CWF19L2: variants seen among roughly 807,000 people sequenced by gnomAD.
CWF19L2 encodes the protein CWF19 like cell cycle control factor 2.
In CWF19L2, 98 loss-of-function variants were observed where a neutral mutation model predicts 111.7. That is an observed-to-expected ratio of 0.88 (90% CI 0.75 to 1.04). The LOEUF (loss-of-function observed/expected upper bound fraction) is 1.04, where lower values mean the gene tolerates loss of function less well. Ranked by LOEUF, CWF19L2 falls within the 50% of genes least tolerant of loss-of-function variation. CWF19L2 has a pLI of 0.00. For missense variants in CWF19L2, 1,101 were observed against 1,051.4 expected (o/e 1.05, Z -0.65); for synonymous variants, 351 against 342.9 (o/e 1.02, Z -0.26).
At chr11:107,447,050 C>G (rs543618356) in intron 3 of CWF19L2, among the ~76,000 whole-genome samples, 1 of 152,278 alleles carries the variant, frequency 6.6e-6, no homozygotes, top group Non-Finnish European at 1.5e-5. Flanking sequence ...CAGAAAAGTG[C>G]TACCAGCAAA....
intron 14 of CWF19L2, among the ~76,000 whole-genome samples, chr11:107,343,379 G>A (rs572401694): frequency 1.6e-3 from 243 of 151,362 alleles, no homozygotes; most frequent in African/African-American, 5.5e-3. Flanking sequence ...TCTCTTCTTC[G>A]GTAATTTCCT....
chr11:107,348,545 A>G (rs1167636703), intron 14 of CWF19L2, among the ~76,000 whole-genome samples: 2 of 152,186 alleles, frequency 1.3e-5, no homozygotes, highest in Non-Finnish European at 2.9e-5. Context: ...GGCAACCGCT[A>G]AATATAAAAC....
intron 16 of CWF19L2, among the ~76,000 whole-genome samples, chr11:107,330,416 A>G (rs748889718): frequency 6.6e-6 from 1 of 152,146 alleles, no homozygotes; most frequent in Non-Finnish European, 1.5e-5. Context: ...GACCTTGCAC[A>G]TACTTAGAGC....
chr11:107,422,490 G>T lies in CWF19L2; in HGVS notation c.1434-4203C>A, dbSNP rs149466026. 4.4e-3 allele frequency among the ~76,000 whole-genome samples: 668 copies of T among 151,874 alleles called. 4 individuals carry two copies. The highest frequency in any genetic ancestry group is 0.015 in the African/African-American group (624 of 41,446). On this transcript the variant is annotated intron_variant, in intron 8 of 17. Coordinates refer to ENST00000282251, the MANE Select transcript of CWF19L2 (RefSeq NM_152434.3). ...AAAAGGGCACAAAGGCTTTCAGGGG[G>T]GTGATGGTTTAATGAGAACATATGC...
rs117867081 is a variant in CWF19L2, at chr11:107,349,887, G to A, written c.2086-834C>T. 5.7e-3 allele frequency among the ~76,000 whole-genome samples: 865 copies of A among 152,198 alleles called. 3 individuals are homozygous for A. The highest frequency in any genetic ancestry group is 0.024 in the Middle Eastern group (7 of 294). On this transcript the variant is annotated intron_variant, in intron 13 of 17. Coordinates refer to ENST00000282251, the MANE Select transcript of CWF19L2 (RefSeq NM_152434.3). ...AAAAGAAATAAAGATTAAGGGTCATGGGTATGTCTATAGACAACTTACAAG... is the reference window on the plus strand; with the variant it reads ...AAAAGAAATAAAGATTAAGGGTCATAGGTATGTCTATAGACAACTTACAAG...
At position 107,418,292 on chromosome 11, in the gene CWF19L2, T is replaced by C; in HGVS notation, c.1434-5A>G. ...ATGGACTCACGCTCTGGACTGCTAT[T>C]GGAATAGGAAAGATTAACAGCATAT... On this transcript the variant is annotated splice_region_variant and splice_polypyrimidine_tract_variant and intron_variant, in intron 8 of 17. Coordinates refer to ENST00000282251, the MANE Select transcript of CWF19L2 (RefSeq NM_152434.3). 1 of 1,593,040 alleles carries C rather than the reference T, an allele frequency of 6.3e-7. No individual in the cohort carries two copies. Among genetic ancestry groups the C allele is most frequent in the Non-Finnish European group, 8.6e-7 (1 of 1,160,856 alleles).
intron 12 of CWF19L2, among the ~76,000 whole-genome samples, chr11:107,384,265 G>T (rs1360889256): frequency 1.3e-5 from 2 of 152,186 alleles, no homozygotes; most frequent in African/African-American, 2.4e-5. Flanking sequence ...AACCAGAAGT[G>T]TTTCAGATTT....
chr11:107,404,514 C>A, intron 10 of CWF19L2: 1 of 723,504 alleles, frequency 1.4e-6, no homozygotes, highest in Non-Finnish European at 2.6e-6. Context: ...CTGTATCCCA[C>A]AAACCTTGGA....
chr11:107,436,523 T>C (rs1195748077), intron 6 of CWF19L2, among the ~76,000 whole-genome samples: 1 of 152,190 alleles, frequency 6.6e-6, no homozygotes, highest in Non-Finnish European at 1.5e-5. Context: ...TAAATATATG[T>C]AAAATCTTAT....
chr11:107,358,608 C>T (rs2134552363), intron 12 of CWF19L2, among the ~76,000 whole-genome samples: 1 of 152,310 alleles, frequency 6.6e-6, no homozygotes, highest in Admixed American at 6.5e-5. Context: ...TAAAAAAACA[C>T]TATTCTATGA....
At chr11:107,417,192 T>G (rs560853216) in intron 9 of CWF19L2, among the ~76,000 whole-genome samples, 2 of 152,230 alleles carry the variant, frequency 1.3e-5, no homozygotes, top group African/African-American at 4.8e-5. Flanking sequence ...GATGAGTGCA[T>G]ACATATGACC....
chr11:107,369,271 C>T lies in CWF19L2; in HGVS notation c.1873-15535G>A, dbSNP rs571075465. Reference sequence around the variant, plus strand: ...CTGTTTCTTCACTTATAATTTGATGCTTTTATTATATTTCTTTTCTAAAAC... The same window carrying T: ...CTGTTTCTTCACTTATAATTTGATGTTTTTATTATATTTCTTTTCTAAAAC... On this transcript the variant is annotated intron_variant, in intron 12 of 17. Coordinates refer to ENST00000282251, the MANE Select transcript of CWF19L2 (RefSeq NM_152434.3). Among the ~76,000 whole-genome samples the T allele has an allele frequency of 1.2e-3, 159 of 137,826 alleles. 29 individuals carry two copies. Among genetic ancestry groups the T allele is most frequent in the Middle Eastern group, 7.4e-3 (2 of 272 alleles). 90.4% of individuals were successfully genotyped at this position (137,826 alleles called of 152,430 possible).
chr11:107,346,108 C>T (rs553509557), intron 14 of CWF19L2, among the ~76,000 whole-genome samples: 1 of 152,116 alleles, frequency 6.6e-6, no homozygotes, highest in Admixed American at 6.6e-5. Flanking sequence ...TTTGTATCAC[C>T]ACAGTATGAA....
At chr11:107,413,189 C>A (rs1444526313) in intron 10 of CWF19L2, among the ~76,000 whole-genome samples, 28 of 152,164 alleles carry the variant, frequency 1.8e-4, no homozygotes, top group Non-Finnish European at 3.7e-4. Context: ...CTGGTAGGGG[C>A]TATTGATAAC....
At chr11:107,411,088 T>TGC (rs1166865469) in intron 10 of CWF19L2, among the ~76,000 whole-genome samples, 7 of 48,824 alleles carry the variant, frequency 1.4e-4, no homozygotes, top group African/African-American at 8.4e-4. Context: ...CGCGCGTGCG[T>TGC]GCACACACAC....
At chr11:107,396,707 T>C (rs992505528) in intron 10 of CWF19L2, among the ~76,000 whole-genome samples, 1 of 152,114 alleles carries the variant, frequency 6.6e-6, no homozygotes, top group African/African-American at 2.4e-5. Context: ...CAGAGCAGCA[T>C]GCAGGGGCTT....
At chr11:107,339,724 G>A (rs1043636074) in intron 14 of CWF19L2, among the ~76,000 whole-genome samples, 3 of 144,372 alleles carry the variant, frequency 2.1e-5, no homozygotes, top group Admixed American at 7.1e-5. Context: ...AGAGTGCAGT[G>A]GTGCGATCTC....
rs547569130 is a variant in CWF19L2, at chr11:107,428,803, C to G, written c.1429G>C (p.Ala477Pro). The G allele has an allele frequency of 6.3e-7, 1 of 1,597,502 alleles. No homozygotes were observed. Among genetic ancestry groups the G allele is most frequent in the Middle Eastern group, 1.7e-4 (1 of 5,930 alleles). ...GGTTAAAAAATGATAAAATACCCAG[C>G]AAATGTAGACTTTGTATCCCGTAGA... ...EHLRDTKSTF[A>P]GSPERESIHI... is the part of the protein sequence containing the mutation. The change falls in exon 8 of 18, where the codon GCT (alanine) becomes CCT (proline). Residue 477 changes from alanine (A) to proline (P), a missense_variant. Physicochemically the swap from Ala to Pro is conservative, Grantham distance 27. Transcript: ENST00000282251.
chr11:107,443,344 G>A (rs546219861), intron 3 of CWF19L2, among the ~76,000 whole-genome samples: 9 of 152,138 alleles, frequency 5.9e-5, no homozygotes, highest in Non-Finnish European at 8.8e-5. Flanking sequence ...TTAGCCAAGC[G>A]TGGTGGCGCA....
Sources: gnomAD v4.1 joint callset for allele counts (sites outside exome capture counted in the v4.1 genomes callset) on GRCh38, gnomAD v4.1.1 for gene constraint, MANE v1.5 for transcripts, NCBI Gene and HGNC (gene_info 2026-07-23, HGNC 2026-07-21) for gene names.